The following VPS13D variants were observed in gnomAD, a reference collection of about 807,000 sequenced individuals.
VPS13D encodes the protein intermembrane lipid transfer protein VPS13D.
Under a neutral mutation model 461.9 loss-of-function variants are expected in VPS13D, and 187 were observed. That is an observed-to-expected ratio of 0.40 (90% CI 0.36 to 0.46). The LOEUF is 0.46. Ranked by LOEUF, VPS13D falls within the 20% of genes least tolerant of loss-of-function variation. The probability of loss-of-function intolerance (pLI) is 0.60; values close to 1 mark genes in which losing one functional copy is unlikely to be tolerated. For synonymous variants in VPS13D, 1,951 were observed against 1,986.3 expected, an observed-to-expected ratio of 0.98 and a Z score of 0.47; for missense variants, 4,711 against 5,364.9, an observed-to-expected ratio of 0.88 and a Z score of 3.81.
chr1:12,478,247 C>T (rs895315495), intron 67 of VPS13D, among the ~76,000 whole-genome samples: 1 of 152,240 alleles, frequency 6.6e-6, no homozygotes, highest in Non-Finnish European at 1.5e-5. Context: ...CTTACAGTAC[C>T]GAACAAAGGG....
chr1:12,296,425 G>A (rs902169069), intron 24 of VPS13D, among the ~76,000 whole-genome samples: 33 of 152,172 alleles, frequency 2.2e-4, no homozygotes, highest in African/African-American at 7.5e-4. Flanking sequence ...AGCATACAGT[G>A]TATCAAGTAT....
At chr1:12,483,871 C>T (rs928043823) in intron 67 of VPS13D, among the ~76,000 whole-genome samples, 4 of 151,824 alleles carry the variant, frequency 2.6e-5, no homozygotes, top group African/African-American at 9.7e-5. Flanking sequence ...GGTGGCGCAC[C>T]CCTGTAATCC....
At position 12,232,637 on chromosome 1, in the gene VPS13D, C is replaced by CTTT. The variant is rs772757546; in HGVS notation, c.-76-1531_-76-1529dup. ...GACTTTTTGTAATACTAAAATTAGT[C>CTTT]TTTTTTTTTTTTTTTTTTTTTTTTT... On this transcript the variant is annotated intron_variant, in intron 1 of 69. Transcript: ENST00000620676. 5.1e-3 allele frequency among the ~76,000 whole-genome samples: 363 copies of CTTT among 71,008 alleles called. 12 individuals are homozygous for CTTT. Among genetic ancestry groups the CTTT allele is most frequent in the African/African-American group, 0.015 (268 of 18,320 alleles). The allele number at this position is 71,008 out of a possible 152,430, so 46.6% of individuals were successfully genotyped here.
intron 16 of VPS13D, among the ~76,000 whole-genome samples, chr1:12,269,762 T>A (rs1641380087): frequency 6.6e-6 from 1 of 152,228 alleles, no homozygotes; most frequent in Non-Finnish European, 1.5e-5. Context: ...TTTATTACAA[T>A]GAATCTGTTT....
chr1:12,293,327 G>T (rs1409561252), intron 23 of VPS13D, among the ~76,000 whole-genome samples, 197 bp from the exon 24 acceptor site: 2 of 152,134 alleles, frequency 1.3e-5, no homozygotes, highest in Non-Finnish European at 2.9e-5. Flanking sequence ...TATACTCCTG[G>T]CTATCACACC....
intron 27 of VPS13D, among the ~76,000 whole-genome samples, chr1:12,310,689 G>A (rs1642711247): frequency 6.6e-6 from 1 of 152,106 alleles, no homozygotes; most frequent in Admixed American, 6.5e-5. Context: ...TAAGCTCTTT[G>A]TGAGTCTCAT....
chr1:12,310,837 TTCCC>T (rs1642723003), intron 27 of VPS13D, among the ~76,000 whole-genome samples: 1 of 89,212 alleles, frequency 1.1e-5, no homozygotes, highest in Admixed American at 1.5e-4. Flanking sequence ...CCTTCCTTCC[TTCCC>T]TCCTTCCCTC....
In VPS13D at chr1:12,379,475, T is replaced by C; in HGVS notation, c.11082-13T>C. On this transcript the variant is annotated splice_polypyrimidine_tract_variant and intron_variant, in intron 56 of 69. Coordinates refer to ENST00000620676, the MANE Select transcript of VPS13D (RefSeq NM_015378.4). Reference sequence around the variant, plus strand: ...CGGAGGTTTCATGGTTCATTGTGTATTCCGTTTTCCAGATACGAGCCACTG... The same window carrying C: ...CGGAGGTTTCATGGTTCATTGTGTACTCCGTTTTCCAGATACGAGCCACTG... The C allele has an allele frequency of 6.2e-7, 1 of 1,610,732 alleles. No homozygotes were observed. Among genetic ancestry groups the C allele is most frequent in the Non-Finnish European group, 8.5e-7 (1 of 1,178,100 alleles).
intron 7 of VPS13D, among the ~76,000 whole-genome samples, chr1:12,254,554 C>T (rs897695976): frequency 1.2e-4 from 14 of 112,932 alleles, no homozygotes; most frequent in Admixed American, 2.6e-4. Flanking sequence ...GATGGAGTCT[C>T]GCTCTGTCAC....
chr1:12,258,090 C>T lies in VPS13D; in HGVS notation c.1097C>T (p.Ser366Phe). The change falls in exon 10 of 70, where the codon TCC (serine) becomes TTC (phenylalanine). Residue 366 changes from serine to phenylalanine, a missense_variant. Physicochemically the swap from Ser to Phe is radical, Grantham distance 155. Coordinates refer to ENST00000620676, the MANE Select transcript of VPS13D (RefSeq NM_015378.4). ...AACAAGTTAAAAGGAGGCCTGCTGT[C>T]CACAGATGACAAGGTAAGTGGACTG... ...YFNKLKGGLL[S>F]TDDKEEMCRI... 1 of 1,614,182 alleles carries T rather than the reference C, an allele frequency of 6.2e-7. No homozygotes were observed. The highest frequency in any genetic ancestry group is 8.5e-7 in the Non-Finnish European group (1 of 1,180,034).
At position 12,382,999 on chromosome 1, in the gene VPS13D, G is replaced by T. The variant is rs1055368716; in HGVS notation, c.11214G>T (p.Leu3738Phe). Residue 3738 changes from leucine (L) to phenylalanine (F), a missense_variant, in exon 58 of 70, where the codon TTG becomes TTT. By Grantham distance (22) the Leu-to-Phe change is conservative. Around this residue, in one of 3 missense-constraint regions of VPS13D, gnomAD observed 4,411 missense variants for 4,937.8 expected, o/e 0.89. Coordinates refer to ENST00000620676, the MANE Select transcript of VPS13D (RefSeq NM_015378.4). Reference protein sequence around the residue: ...VVQAKGGLSGLFDGAEVVLGP... With the variant: ...VVQAKGGLSGFFDGAEVVLGP... ...AGGCCAAAGGAGGACTTTCTGGTTT[G>T]TTTGATGGAGCTGAAGTTGTTCTTG... 1.9e-6 allele frequency: 3 copies of T among 1,614,020 alleles called. No homozygotes were observed. Among genetic ancestry groups the T allele is most frequent in the Non-Finnish European group, 2.5e-6 (3 of 1,179,972 alleles).
intron 10 of VPS13D, among the ~76,000 whole-genome samples, chr1:12,259,687 G>A (rs182327313): frequency 3.3e-5 from 5 of 152,286 alleles, no homozygotes; most frequent in South Asian, 4.1e-4. Context: ...AAGTAAAGAC[G>A]TAAAATCTCC....
intron 65 of VPS13D, among the ~76,000 whole-genome samples, chr1:12,439,415 G>A (rs775699432): frequency 2.0e-5 from 3 of 151,942 alleles, no homozygotes; most frequent in Non-Finnish European, 4.4e-5. Context: ...TCTCAGGGAG[G>A]CCCTTCCTGA....
chr1:12,355,867 C>T (rs1045900775), intron 47 of VPS13D, 32 bp from the exon 48 acceptor site: 2 of 1,487,060 alleles, frequency 1.3e-6, no homozygotes, highest in Admixed American at 2.3e-5. Context: ...ATAGTGAGAA[C>T]TCTGAAAGTT....
intron 65 of VPS13D, among the ~76,000 whole-genome samples, chr1:12,422,250 G>A (rs567517570): frequency 5.0e-4 from 76 of 152,100 alleles, no homozygotes; most frequent in African/African-American, 1.4e-3. Context: ...ATAATTTGTC[G>A]TGTTCTTAAC....
intron 25 of VPS13D, among the ~76,000 whole-genome samples, chr1:12,300,207 C>CTTTTT (rs35299447): frequency 2.4e-5 from 3 of 123,344 alleles, no homozygotes; most frequent in African/African-American, 3.0e-5. Context: ...ATTTGCTTTG[C>CTTTTT]TTTTTTTTTT....
At chr1:12,379,427 C>T (rs1644242828) in intron 56 of VPS13D, 61 bp from the exon 57 acceptor site, 2 of 1,488,512 alleles carry the variant, frequency 1.3e-6, no homozygotes, top group South Asian at 2.4e-5. Flanking sequence ...CTCATGTTCC[C>T]TTCAGGCGTG....
chr1:12,486,994 C>A (rs1645806159), intron 67 of VPS13D, among the ~76,000 whole-genome samples: 1 of 152,078 alleles, frequency 6.6e-6, no homozygotes, highest in African/African-American at 2.4e-5. Context: ...AGAAGAATCA[C>A]CCTCCCTGGA....
Position 12,314,275 on chromosome 1 carries a change from G to C in VPS13D, c.7096G>C (p.Ala2366Pro). 6.2e-7 allele frequency: 1 copy of C among 1,614,138 alleles called. No homozygotes were observed. Among genetic ancestry groups the C allele is most frequent in the Non-Finnish European group, 8.5e-7 (1 of 1,180,012 alleles). The change falls in exon 30 of 70, where the codon GCT becomes CCT. Residue 2366 changes from alanine to proline, a missense_variant. Physicochemically the swap from Ala to Pro is conservative, Grantham distance 27. Around this residue, in one of 3 missense-constraint regions of VPS13D, gnomAD observed 4,411 missense variants for 4,937.8 expected, o/e 0.89. Transcript: ENST00000620676. Reference protein sequence around the residue: ...TNVFSCIFQPAKNSSTTQGSI... With the variant: ...TNVFSCIFQPPKNSSTTQGSI... Reference sequence around the variant, plus strand: ...TGTGTTCAGCTGTATCTTTCAGCCCGCTAAGAACAGCAGCACCACCCAAGG... The same window carrying C: ...TGTGTTCAGCTGTATCTTTCAGCCCCCTAAGAACAGCAGCACCACCCAAGG...
Sources: gnomAD v4.1 joint callset for allele counts (sites outside exome capture counted in the v4.1 genomes callset) on GRCh38, gnomAD v4.1.1 for gene constraint, gnomAD v4.1.1 regional missense constraint, MANE v1.5 for transcripts, NCBI Gene and HGNC (gene_info 2026-07-23, HGNC 2026-07-21) for gene names.